The following TARBP1 variants were observed in gnomAD, a reference collection of about 807,000 sequenced individuals.
The protein encoded by TARBP1 is tRNA guanosine 2 -O-methyltransferase TARBP1.
TARBP1 carries 144 observed loss-of-function variants against 178.6 expected under a neutral mutation model. The ratio of observed to expected loss-of-function variants is 0.81; its 90% confidence interval spans 0.70 to 0.93. TARBP1 has a LOEUF of 0.93. Ranked by LOEUF, TARBP1 falls within the 40% of genes least tolerant of loss-of-function variation. The pLI is 0.00. For synonymous variants in TARBP1, 787 were observed against 781.0 expected (o/e 1.01, Z -0.13); for missense variants, 2,067 against 2,011.7 (o/e 1.03, Z -0.53).
At position 234,458,818 on chromosome 1, in the gene TARBP1, G is replaced by A. The variant is rs546763790; in HGVS notation, c.1632+412C>T. 9.3e-4 allele frequency among the ~76,000 whole-genome samples: 141 copies of A among 152,338 alleles called. 1 individual carries two copies. In the Middle Eastern group the frequency reaches 0.02, roughly 22 times the overall value. ...CTTAGCTCCCCCAGCAACAAGCTGT[G>A]ACAACACAGTGAAAGTCTGTCTACC... On this transcript the variant is annotated intron_variant, in intron 8 of 29. Coordinates refer to ENST00000040877, the MANE Select transcript of TARBP1 (RefSeq NM_005646.4).
rs746936475 is a variant in TARBP1 at position 234,391,624 on chromosome 1, C to G, written c.4819G>C (p.Glu1607Gln). Reference protein sequence around the residue: ...VHVSGALLIWEYTRQQLLSHG... With the variant: ...VHVSGALLIWQYTRQQLLSHG... ...GAGAGCAGCTGCTGCCTGGTGTACT[C>G]CCAGATCAGCAGGGCTCCACTCACA... The change falls in exon 30 of 30, where the codon GAG becomes CAG. Residue 1607 changes from glutamate to glutamine, a missense_variant. Glu to Gln is a conservative substitution (Grantham distance 29). Coordinates refer to ENST00000040877, the MANE Select transcript of TARBP1 (RefSeq NM_005646.4). The G allele has an allele frequency of 5.0e-6, 8 of 1,613,448 alleles. No homozygotes were observed. The Admixed American group carries it at 1.3e-4, about 27-fold the overall frequency.
intron 22 of TARBP1, among the ~76,000 whole-genome samples, chr1:234,416,131 G>A (rs1662391137): frequency 6.6e-6 from 1 of 152,236 alleles, no homozygotes; most frequent in Non-Finnish European, 1.5e-5. Flanking sequence ...GAACCAACCT[G>A]CCCTTTGTGA....
chr1:234,446,715 GT>G (rs1666217743), intron 12 of TARBP1, 87 bp downstream of exon 12: 5 of 1,015,210 alleles, frequency 4.9e-6, no homozygotes, highest in Non-Finnish European at 5.2e-6. Flanking sequence ...TTTTCTCTTT[GT>G]TTTAAAAAGA....
At chr1:234,462,664 A>C (rs1367561521) in intron 6 of TARBP1, among the ~76,000 whole-genome samples, 1 of 142,198 alleles carries the variant, frequency 7.0e-6, no homozygotes, top group Non-Finnish European at 1.5e-5. Context: ...ACTCCAGCCT[A>C]ATGACAGAGC....
At chr1:234,412,720 A>G (rs1383312138) in intron 22 of TARBP1, among the ~76,000 whole-genome samples, 4 of 152,194 alleles carry the variant, frequency 2.6e-5, no homozygotes, top group African/African-American at 7.2e-5. Flanking sequence ...TAAAGAGAAG[A>G]AAGAAGACCA....
chr1:234,430,729 T>A (rs1414795845), intron 14 of TARBP1, among the ~76,000 whole-genome samples: 1 of 150,486 alleles, frequency 6.6e-6, no homozygotes, highest in Non-Finnish European at 1.5e-5. Context: ...AAAAAAAAAA[T>A]AAAAGGCTCC....
intron 23 of TARBP1, 61 bp downstream of exon 23, chr1:234,410,384 G>T: frequency 9.6e-7 from 1 of 1,037,320 alleles, no homozygotes; most frequent in Non-Finnish European, 1.4e-6. Flanking sequence ...ATAAAAAATT[G>T]GTACAAATAC....
At chr1:234,406,887 T>C (rs889534969) in intron 23 of TARBP1, 12 of 152,232 alleles carry the variant, frequency 7.9e-5, no homozygotes, top group African/African-American at 2.9e-4. Flanking sequence ...AAGGCTCACA[T>C]GGAAATGCTT....
chr1:234,475,128 G>A (rs767109774), intron 1 of TARBP1, among the ~76,000 whole-genome samples: 2 of 152,170 alleles, frequency 1.3e-5, no homozygotes, highest in African/African-American at 2.4e-5. Context: ...AGCCTGCCCC[G>A]GTGCTCTCGA....
intron 2 of TARBP1, among the ~76,000 whole-genome samples, chr1:234,472,105 G>A (rs1669117524): frequency 6.6e-6 from 1 of 152,188 alleles, no homozygotes; most frequent in Non-Finnish European, 1.5e-5. Flanking sequence ...GGGAGGCCAA[G>A]GCGGGTGGAT....
In TARBP1 at chr1:234,418,171, G is replaced by GGA; in HGVS notation, c.3616_3617dup (p.Ile1207ProfsTer2). 6.5e-7 allele frequency: 1 copy of GGA among 1,549,714 alleles called. No homozygotes were observed. The highest frequency in any genetic ancestry group is 8.6e-7 in the Non-Finnish European group (1 of 1,157,950). ...TAATCCATTCTATAAAATATTTTAT[G>GGA]GATGCTTGATTGTTGGTGAAACCAG... On this transcript the variant is annotated frameshift_variant, in exon 22 of 30. Transcript: ENST00000040877. LOFTEE classifies it high-confidence loss of function.
chr1:234,408,394 T>C (rs1255804242), intron 23 of TARBP1, among the ~76,000 whole-genome samples: 1 of 152,136 alleles, frequency 6.6e-6, no homozygotes, highest in Non-Finnish European at 1.5e-5. Flanking sequence ...AGTTTATAGT[T>C]TAAAACAAAG....
chr1:234,467,565 A>G lies in TARBP1; in HGVS notation c.1185T>C (p.Gly395=). 6.2e-7 allele frequency: 1 copy of G among 1,607,798 alleles called. No individual in the cohort carries two copies. Among genetic ancestry groups the G allele is most frequent in the Non-Finnish European group, 8.5e-7 (1 of 1,178,336 alleles). The change falls in exon 4 of 30, where the codon GGT becomes GGC. Residue 395 remains glycine, a synonymous_variant. Transcript: ENST00000040877. ...CATACAGCTCCAAAAAATGGATAAC[A>G]CCTTCTTTGGACAGGATTTTGTTTT... The part of the protein sequence containing the change: ...ESENKILSKE[G]VIHFLELYET...
At chr1:234,430,002 A>G (rs375215892) in intron 15 of TARBP1, 85 bp downstream of exon 15, 55 of 1,329,650 alleles carry the variant, frequency 4.1e-5, no homozygotes, top group African/African-American at 2.1e-4. Context: ...CCAAAATTCT[A>G]TAACTTTATA....
In TARBP1 at chr1:234,429,337, A is replaced by AT. The variant is rs1422333222; in HGVS notation, c.2872-14_2872-13insA. 1 of 1,567,754 alleles carries AT rather than the reference A, an allele frequency of 6.4e-7. No individual in the cohort carries two copies. Among genetic ancestry groups the AT allele is most frequent in the East Asian group, 2.2e-5 (1 of 44,592 alleles). On this transcript the variant is annotated splice_polypyrimidine_tract_variant and intron_variant, in intron 16 of 29. Coordinates refer to ENST00000040877, the MANE Select transcript of TARBP1 (RefSeq NM_005646.4). ...AGGAAGTCAGAAGCTGGTAGGAAAA[A>AT]AAAAAATACATACTTATTTCAAAAA...
At chr1:234,421,155 C>A (rs533683343) in intron 20 of TARBP1, among the ~76,000 whole-genome samples, 2 of 152,254 alleles carry the variant, frequency 1.3e-5, no homozygotes, top group African/African-American at 4.8e-5. Flanking sequence ...ATGGCGTGAT[C>A]TCAGCTCACT....
chr1:234,475,121 C>T (rs577570515), intron 1 of TARBP1, among the ~76,000 whole-genome samples: 3 of 152,346 alleles, frequency 2.0e-5, no homozygotes, highest in South Asian at 2.1e-4. Flanking sequence ...TTCTTCAAGC[C>T]TGCCCCGGTG....
At chr1:234,407,747 C>G (rs967785165) in intron 23 of TARBP1, 3 of 152,196 alleles carry the variant, frequency 2.0e-5, no homozygotes, top group Admixed American at 1.3e-4. Context: ...ACTGTTTCAG[C>G]TTCAGCCACT....
chr1:234,441,383 T>C (rs114716573), intron 12 of TARBP1, among the ~76,000 whole-genome samples: 3,573 of 152,248 alleles, frequency 0.023, 57 homozygotes, highest in South Asian at 0.063. Flanking sequence ...AAAAATATTT[T>C]TGGACAAAAA....
Sources: gnomAD v4.1 joint callset for allele counts (sites outside exome capture counted in the v4.1 genomes callset) on GRCh38, gnomAD v4.1.1 for gene constraint, MANE v1.5 for transcripts, NCBI Gene and HGNC (gene_info 2026-07-23, HGNC 2026-07-21) for gene names.